SHISA9: variants seen among roughly 807,000 people sequenced by gnomAD.
SHISA9 encodes protein shisa-9.
In SHISA9, 13 loss-of-function variants were observed where a neutral mutation model predicts 38.0. The ratio of observed to expected loss-of-function variants is 0.34; its 90% CI spans 0.22 to 0.54. The LOEUF is 0.54. Ranked by LOEUF, SHISA9 falls within the 20% of genes least tolerant of loss-of-function variation. The pLI, the probability that SHISA9 is intolerant of heterozygous loss-of-function variation, is 0.91. For synonymous variants in SHISA9, 275 were observed against 242.0 expected (o/e 1.14, Z -1.27); for missense variants, 538 against 575.8 (o/e 0.93, Z 0.67).
chr16:13,514,466 A>C, the SHISA9 span, among the ~76,000 whole-genome samples: 107 of 152,334 alleles, frequency 7.0e-4, no homozygotes, highest in Non-Finnish European at 1.3e-3. Flanking sequence ...AAGTGTATCT[A>C]ATTTGTTCAG....
chr16:13,262,503 A>G, the SHISA9 span, among the ~76,000 whole-genome samples: 1 of 152,164 alleles, frequency 6.6e-6, no homozygotes, highest in African/African-American at 2.4e-5. Flanking sequence ...GCTTTGCCCA[A>G]TAGCCTGGAG....
At chr16:13,436,825 G>A in the SHISA9 span, among the ~76,000 whole-genome samples, 1 of 152,164 alleles carries the variant, frequency 6.6e-6, no homozygotes. Context: ...CACGTGATTT[G>A]CTAGTGGGAG....
At chr16:12,910,763 A>G (rs2071171918) in intron 1 of SHISA9, 17 of 972,338 alleles carry the variant, frequency 1.7e-5, no homozygotes, top group Non-Finnish European at 2.1e-5. Context: ...AACAGAACAA[A>G]TATACAAAGA....
the SHISA9 span, among the ~76,000 whole-genome samples, chr16:13,275,926 T>A: frequency 3.9e-5 from 6 of 152,106 alleles, no homozygotes; most frequent in African/African-American, 1.4e-4. Context: ...TTAAAAAAAA[T>A]TAATTTAATT....
At chr16:13,480,403 A>G in the SHISA9 span, among the ~76,000 whole-genome samples, 2 of 152,156 alleles carry the variant, frequency 1.3e-5, no homozygotes, top group South Asian at 4.1e-4. Flanking sequence ...CCTCTCTTGA[A>G]TACAGGAAAT....
the SHISA9 span, among the ~76,000 whole-genome samples, chr16:13,321,644 G>T: frequency 1.9e-3 from 286 of 152,302 alleles, 2 homozygotes; most frequent in African/African-American, 6.7e-3. Flanking sequence ...TTTATGTGTT[G>T]CATATTGTAC....
chr16:13,216,842 A>G (rs1384317252), intron 4 of SHISA9, among the ~76,000 whole-genome samples: 3 of 152,156 alleles, frequency 2.0e-5, no homozygotes, highest in Non-Finnish European at 2.9e-5. Flanking sequence ...GCTAGTTGGT[A>G]CGATTTATTT....
intron 2 of SHISA9, among the ~76,000 whole-genome samples, chr16:13,119,670 T>C (rs2074066601): frequency 6.6e-6 from 1 of 152,216 alleles, no homozygotes; most frequent in Non-Finnish European, 1.5e-5. Context: ...CAGCAGTTTA[T>C]TTGCTGTTTT....
chr16:13,457,622 CTGT>C, the SHISA9 span, among the ~76,000 whole-genome samples: 16 of 151,566 alleles, frequency 1.1e-4, no homozygotes, highest in African/African-American at 3.9e-4. Context: ...TGCTTGTTCT[CTGT>C]TGTTCTTTCT....
intron 2 of SHISA9, among the ~76,000 whole-genome samples, chr16:13,103,375 A>G (rs533541042): frequency 2.0e-5 from 3 of 152,310 alleles, no homozygotes; most frequent in East Asian, 1.9e-4. Context: ...ATAGAGGGAA[A>G]TGATTATGTT....
At chr16:13,269,551 G>A in the SHISA9 span, among the ~76,000 whole-genome samples, 1 of 152,180 alleles carries the variant, frequency 6.6e-6, no homozygotes, top group Admixed American at 6.5e-5. Flanking sequence ...CTCTTCTGCT[G>A]TTGATTCAGT....
chr16:13,185,184 A>T (rs889770448), intron 2 of SHISA9, among the ~76,000 whole-genome samples: 10 of 151,990 alleles, frequency 6.6e-5, no homozygotes, highest in African/African-American at 2.4e-4. Flanking sequence ...ATGCATTTTA[A>T]TGTTTATTTT....
chr16:13,330,803 C>T, the SHISA9 span, among the ~76,000 whole-genome samples: 1 of 152,254 alleles, frequency 6.6e-6, no homozygotes. Context: ...TCATTGGGAG[C>T]CAGCAGGGAT....
chr16:13,190,052 G>A (rs1596715632), intron 2 of SHISA9, among the ~76,000 whole-genome samples: 1 of 151,704 alleles, frequency 6.6e-6, no homozygotes, highest in Admixed American at 6.6e-5. Context: ...GGATGAAGTG[G>A]CTGCTGTGGG....
chr16:13,185,818 G>C (rs1490491874), intron 2 of SHISA9, among the ~76,000 whole-genome samples: 3 of 152,094 alleles, frequency 2.0e-5, no homozygotes, highest in Non-Finnish European at 4.4e-5. Context: ...AATTAGAAAG[G>C]GTTTGATTTA....
At chr16:13,393,216 G>A in the SHISA9 span, among the ~76,000 whole-genome samples, 2 of 152,178 alleles carry the variant, frequency 1.3e-5, no homozygotes, top group Non-Finnish European at 2.9e-5. Flanking sequence ...CCCCAAGCAG[G>A]GCCAGCTCCA....
At chr16:13,385,180 A>G in the SHISA9 span, among the ~76,000 whole-genome samples, 1 of 152,250 alleles carries the variant, frequency 6.6e-6, no homozygotes, top group Admixed American at 6.5e-5. Flanking sequence ...GCAGACATTA[A>G]TAAATTCATA....
chr16:12,921,741 A>G (rs535052212), intron 2 of SHISA9, among the ~76,000 whole-genome samples: 1 of 152,314 alleles, frequency 6.6e-6, no homozygotes, highest in South Asian at 2.1e-4. Context: ...ACTCTAGCCT[A>G]GGTGACAGAA....
intron 2 of SHISA9, among the ~76,000 whole-genome samples, chr16:13,180,670 C>T (rs1168486992): frequency 3.3e-5 from 5 of 152,120 alleles, no homozygotes; most frequent in African/African-American, 7.2e-5. Context: ...CGCACTCCAG[C>T]CTAGGTGACA....
Sources: gnomAD v4.1 joint callset for allele counts (sites outside exome capture counted in the v4.1 genomes callset) on GRCh38, gnomAD v4.1.1 for gene constraint, MANE v1.5 for transcripts, NCBI Gene and HGNC (gene_info 2026-07-23, HGNC 2026-07-21) for gene names.